NNMT: variants seen among roughly 807,000 people sequenced by gnomAD.
NNMT encodes nicotinamide N-methyltransferase.
NNMT carries 10 observed loss-of-function variants against 11.7 expected under a neutral mutation model. That is an observed-to-expected ratio of 0.85 (90% confidence interval 0.53 to 1.45). The LOEUF (loss-of-function observed/expected upper bound fraction) is 1.45, where lower values mean the gene tolerates loss of function less well. NNMT is among the 40% of genes most tolerant of loss of function. The pLI is 0.00. For synonymous variants in NNMT, 143 were observed against 133.8 expected (o/e 1.07, Z -0.48); for missense variants, 381 against 319.4 (o/e 1.19, Z -1.47).
chr11:114,262,679 TGG>T lies in NNMT; in HGVS notation c.-216-168_-216-167del, dbSNP rs1206609013. On this transcript the variant is annotated intron_variant, in intron 1 of 4. Coordinates refer to the NNMT transcript ENST00000535401. The stretch of plus-strand genomic sequence containing the variant: ...CTCAAATGGATGCAACTAAATGGTT[TGG>T]AAAACCCCTCCAACACGAAACTTCT... Among the ~76,000 whole-genome samples, 534 of 152,286 alleles carry T rather than the reference TGG, an allele frequency of 3.5e-3. 5 individuals carry two copies. Among genetic ancestry groups the T allele is most frequent in the African/African-American group, 0.012 (505 of 41,554 alleles).
intron 2 of NNMT, among the ~76,000 whole-genome samples, chr11:114,304,292 G>A (rs781402359): frequency 2.0e-5 from 3 of 152,172 alleles, no homozygotes; most frequent in South Asian, 2.1e-4. Context: ...ATCCACCACC[G>A]GCCTTTCCAT....
intron 2 of NNMT, among the ~76,000 whole-genome samples, chr11:114,274,030 C>T (rs1274569340): frequency 6.6e-6 from 1 of 152,126 alleles, no homozygotes; most frequent in Non-Finnish European, 1.5e-5. Flanking sequence ...TGCCACACCC[C>T]TCAGTGCCTT....
chr11:114,265,634 T>A (rs1343884154), intron 2 of NNMT, among the ~76,000 whole-genome samples: 1 of 152,174 alleles, frequency 6.6e-6, no homozygotes, highest in Non-Finnish European at 1.5e-5. Flanking sequence ...CCAGCCCAAT[T>A]CCTGCTTGTG....
At chr11:114,293,497 C>A (rs529668170), upstream of NNMT, among the ~76,000 whole-genome samples, 10 of 151,680 alleles carry the variant, frequency 6.6e-5, 1 homozygote, top group East Asian at 2.0e-3. Context: ...TCCTTGCCAG[C>A]ATTTGTTATT....
Position 114,312,391 on chromosome 11 carries a change from G to A in NNMT, c.709G>A (p.Val237Met), listed in dbSNP as rs752810514. 1.1e-5 allele frequency: 17 copies of A among 1,614,128 alleles called. No individual in the cohort carries two copies. The Admixed American group carries it at 2.5e-4, about 24-fold the overall frequency. The change falls in exon 3 of 3, where the codon GTG (valine) becomes ATG (methionine). Residue 237 changes from valine (V) to methionine (M), a missense_variant. Val to Met is a conservative substitution (Grantham distance 21). Transcript: ENST00000299964. ...TGGCTACACAATCGAATGGTTTGAG[G>A]TGATCTCGCAAAGTTATTCTTCCAC... ...EAGYTIEWFEVISQSYSSTMA... is the reference protein window; with the variant it reads ...EAGYTIEWFEMISQSYSSTMA...
At chr11:114,287,545 T>A (rs1204415596) in intron 2 of NNMT, among the ~76,000 whole-genome samples, 1 of 152,218 alleles carries the variant, frequency 6.6e-6, no homozygotes, top group African/African-American at 2.4e-5. Context: ...ATATATCAAC[T>A]GTTCATAAAA....
chr11:114,267,372 A>G (rs570336467), intron 2 of NNMT, among the ~76,000 whole-genome samples: 6 of 152,262 alleles, frequency 3.9e-5, no homozygotes, highest in Non-Finnish European at 7.4e-5. Flanking sequence ...TTCATGTCCT[A>G]GTCTCCTGCA....
At chr11:114,285,563 G>A (rs148558870) in intron 2 of NNMT, among the ~76,000 whole-genome samples, 3 of 152,258 alleles carry the variant, frequency 2.0e-5, no homozygotes, top group African/African-American at 7.2e-5. Context: ...AAATTTGATG[G>A]GTTATAGTTT....
intron 2 of NNMT, among the ~76,000 whole-genome samples, chr11:114,264,277 A>G (rs977669803): frequency 1.3e-5 from 2 of 152,044 alleles, no homozygotes; most frequent in East Asian, 3.9e-4. Flanking sequence ...GCAAAATTCT[A>G]GAGAGCTGTC....
chr11:114,279,684 T>TCAGG (rs1178393345), intron 2 of NNMT, among the ~76,000 whole-genome samples: 2 of 152,198 alleles, frequency 1.3e-5, no homozygotes, highest in African/African-American at 4.8e-5. Flanking sequence ...GGAAGGTAGC[T>TCAGG]CAGGCGTGGC....
Position 114,312,689 on chromosome 11 carries a change from GAGCAATT to G in NNMT, c.*215_*221del, listed in dbSNP as rs1179277770. 9.2e-6 allele frequency: 5 copies of G among 541,790 alleles called. No homozygotes were observed. The highest frequency in any genetic ancestry group is 7.5e-5 in the African/African-American group (4 of 53,308). 33.6% of individuals were successfully genotyped at this position (541,790 alleles called of 1,614,324 possible). ...TGTTGGTGCTATGGGACCCAAAGAT[GAGCAATT>G]AGTATTCCAGTCTTCATTGCCTGTG... On this transcript the variant is annotated 3_prime_UTR_variant, in exon 3 of 3. Coordinates refer to ENST00000299964, the MANE Select transcript of NNMT (RefSeq NM_006169.3).
intron 2 of NNMT, among the ~76,000 whole-genome samples, chr11:114,279,703 C>G (rs1945244733): frequency 6.6e-6 from 1 of 152,212 alleles, no homozygotes; most frequent in South Asian, 2.1e-4. Context: ...GCTCTAGGAG[C>G]CCCTGCAATC....
upstream of NNMT, among the ~76,000 whole-genome samples, chr11:114,294,761 A>T (rs1945360226): frequency 6.6e-6 from 1 of 152,168 alleles, no homozygotes; most frequent in Non-Finnish European, 1.5e-5. Context: ...AAGAAAAATA[A>T]ATAGCAACCG....
intron 2 of NNMT, among the ~76,000 whole-genome samples, chr11:114,283,732 T>C (rs1052136469): frequency 6.6e-6 from 1 of 152,246 alleles, no homozygotes; most frequent in African/African-American, 2.4e-5. Flanking sequence ...TGCTTTTTTT[T>C]CAATTTAATA....
chr11:114,263,401 C>T (rs1261647015), intron 2 of NNMT, among the ~76,000 whole-genome samples: 10 of 152,234 alleles, frequency 6.6e-5, no homozygotes, highest in Non-Finnish European at 2.9e-5. Context: ...ACACTCCCTT[C>T]TGGGCAAGCT....
intron 2 of NNMT, among the ~76,000 whole-genome samples, chr11:114,302,478 C>T (rs1052681282): frequency 8.6e-5 from 13 of 151,908 alleles, no homozygotes; most frequent in Non-Finnish European, 1.6e-4. Context: ...CCCTTATGTT[C>T]TTGTCATGTA....
chr11:114,284,819 G>A (rs1945286311), intron 2 of NNMT, among the ~76,000 whole-genome samples: 1 of 143,604 alleles, frequency 7.0e-6, no homozygotes, highest in Non-Finnish European at 1.5e-5. Context: ...ACCCAGGCTG[G>A]GGTGCAGTGG....
chr11:114,264,609 C>T (rs1272720303), intron 2 of NNMT, among the ~76,000 whole-genome samples: 1 of 152,144 alleles, frequency 6.6e-6, no homozygotes. Context: ...CTGGAGATAG[C>T]ATCAGATCCC....
chr11:114,261,274 G>C (rs1945078237), intron 1 of NNMT, among the ~76,000 whole-genome samples: 1 of 152,158 alleles, frequency 6.6e-6, no homozygotes, highest in African/African-American at 2.4e-5. Flanking sequence ...AACTGGGGTT[G>C]CACATCCCCT....
Sources: gnomAD v4.1 joint callset for allele counts (sites outside exome capture counted in the v4.1 genomes callset) on GRCh38, gnomAD v4.1.1 for gene constraint, MANE v1.5 for transcripts, NCBI Gene and HGNC (gene_info 2026-07-23, HGNC 2026-07-21) for gene names.